Variants in PCDHGB1 observed in about 807,000 individuals in gnomAD.
PCDHGB1 encodes the protein protocadherin gamma subfamily B, 1, also known as protocadherin gamma-B1.
In PCDHGB1, 34 loss-of-function variants were observed where a neutral mutation model predicts 56.6. The observed-to-expected ratio is 0.60, with a 90% confidence interval of 0.46 to 0.80. PCDHGB1 has a LOEUF of 0.80. Ranked by LOEUF, PCDHGB1 falls within the 30% of genes least tolerant of loss-of-function variation. The pLI is 0.00. For synonymous variants in PCDHGB1, 561 were observed against 505.9 expected, an observed-to-expected ratio of 1.11 and a Z score of -1.46; for missense variants, 1,278 against 1,204.6, an observed-to-expected ratio of 1.06 and a Z score of -0.90.
At chr5:141,415,314 C>A (rs375384840) in intron 1 of PCDHGB1, 1 of 1,614,238 alleles carries the variant, frequency 6.2e-7, no homozygotes, top group Non-Finnish European at 8.5e-7. Context: ...CCTTCGTCAT[C>A]GTGCTGCTGG....
intron 3 of PCDHGB1, among the ~76,000 whole-genome samples, chr5:141,508,975 G>T (rs1360718244): frequency 2.6e-5 from 4 of 152,148 alleles, no homozygotes; most frequent in African/African-American, 7.2e-5. Context: ...AAGGGCTGGG[G>T]GTGGGGGCCA....
At chr5:141,415,293 C>T in intron 1 of PCDHGB1, 1 of 1,614,192 alleles carries the variant, frequency 6.2e-7, no homozygotes, top group Non-Finnish European at 8.5e-7. Flanking sequence ...CGGTCTCCTG[C>T]GTCTTCCTGG....
chr5:141,481,934 AAT>A (rs1245984926), intron 1 of PCDHGB1, among the ~76,000 whole-genome samples: 5 of 147,494 alleles, frequency 3.4e-5, no homozygotes, highest in Admixed American at 3.4e-4. Flanking sequence ...AAAAAAAAAA[AAT>A]CAGCCAGATG....
chr5:141,380,299 C>G (rs1776363020), intron 1 of PCDHGB1, among the ~76,000 whole-genome samples: 2 of 152,210 alleles, frequency 1.3e-5, no homozygotes, highest in Middle Eastern at 3.4e-3. Flanking sequence ...ATACCTATAT[C>G]TTTGCTTGAG....
chr5:141,493,784 T>A lies in PCDHGB1; in HGVS notation c.2410-1023T>A, dbSNP rs1368708028. ...AGCCACTGGCAGTTCCGGAGCTTCC[T>A]TCTCCCTGGAGTAATCTGAGATACT... On this transcript the variant is annotated intron_variant, in intron 1 of 3. Coordinates refer to ENST00000523390, the MANE Select transcript of PCDHGB1 (RefSeq NM_018922.3). This position sits in a 1 kb window ranked among gnomAD's most constrained non-coding sequence, Gnocchi z 4.3. 1.3e-5 allele frequency among the ~76,000 whole-genome samples: 2 copies of A among 152,194 alleles called. No individual in the cohort carries two copies. Among genetic ancestry groups the A allele is most frequent in the Non-Finnish European group, 2.9e-5 (2 of 68,032 alleles).
chr5:141,350,513 G>C lies in PCDHGB1; in HGVS notation c.253G>C (p.Gly85Arg), dbSNP rs750772635. The C allele has an allele frequency of 1.9e-6, 3 of 1,613,874 alleles. No individual in the cohort carries two copies. Among genetic ancestry groups the C allele is most frequent in the South Asian group, 2.2e-5 (2 of 91,086 alleles). ...SLESGDLLVN[G>R]RIDREKICGR... ...GGAGAGCGGGGATTTGTTAGTGAAC[G>C]GTAGGATAGATCGAGAGAAGATTTG... is the stretch of plus-strand genomic sequence containing the variant. The change falls in exon 1 of 4, where the codon GGT (glycine) becomes CGT (arginine). Residue 85 changes from glycine to arginine, a missense_variant. By Grantham distance (125) the Gly-to-Arg change is moderately radical. Coordinates refer to ENST00000523390, the MANE Select transcript of PCDHGB1 (RefSeq NM_018922.3).
At chr5:141,412,936 A>T in intron 1 of PCDHGB1, 1 of 459,508 alleles carries the variant, frequency 2.2e-6, no homozygotes, top group African/African-American at 2.0e-5. Flanking sequence ...ACTTCTTAGG[A>T]CTCTGAGCGC....
Position 141,490,157 on chromosome 5 carries a change from G to T in PCDHGB1, c.2410-4650G>T. 1 of 1,614,210 alleles carries T rather than the reference G, an allele frequency of 6.2e-7. No homozygotes were observed. The highest frequency in any genetic ancestry group is 8.5e-7 in the Non-Finnish European group (1 of 1,180,038). On this transcript the variant is annotated intron_variant, in intron 1 of 3. Transcript: ENST00000523390. This position sits in a 1 kb window ranked among gnomAD's most constrained non-coding sequence, Gnocchi z 5.4. ...AGCAGTGGGGCAATCCATGTGTTGGGTCCCATAGACTTTGAGGAGTCACGT... is the reference window on the plus strand; with the variant it reads ...AGCAGTGGGGCAATCCATGTGTTGGTTCCCATAGACTTTGAGGAGTCACGT...
intron 1 of PCDHGB1, among the ~76,000 whole-genome samples, chr5:141,465,905 G>A (rs938438286): frequency 6.6e-6 from 1 of 151,958 alleles, no homozygotes; most frequent in Admixed American, 6.6e-5. Flanking sequence ...GGCAAATCAC[G>A]AGGTCAGGAT....
chr5:141,352,326 T>A lies in PCDHGB1; in HGVS notation c.2066T>A (p.Val689Asp). 1 of 1,614,058 alleles carries A rather than the reference T, an allele frequency of 6.2e-7. No individual in the cohort carries two copies. Among genetic ancestry groups the A allele is most frequent in the Non-Finnish European group, 8.5e-7 (1 of 1,179,900 alleles). ...DPQTELQFYL[V>D]VALALISVLF... ...CAGACGGAACTGCAGTTTTACCTGGTTGTGGCCTTGGCCTTGATCTCAGTG... is the reference window on the plus strand; with the variant it reads ...CAGACGGAACTGCAGTTTTACCTGGATGTGGCCTTGGCCTTGATCTCAGTG... Residue 689 changes from valine to aspartate, a missense_variant, in exon 1 of 4, where the codon GTT becomes GAT. Physicochemically the swap from Val to Asp is radical, Grantham distance 152. Coordinates refer to ENST00000523390, the MANE Select transcript of PCDHGB1 (RefSeq NM_018922.3).
intron 1 of PCDHGB1, chr5:141,416,921 G>C (rs985660835): frequency 6.6e-6 from 1 of 151,994 alleles, no homozygotes; most frequent in Non-Finnish European, 1.5e-5. Flanking sequence ...TAGGGTCATA[G>C]TTATTAACTA....
rs1485764871 is a variant in PCDHGB1, at chr5:141,486,709, C to A, written c.2410-8098C>A. On this transcript the variant is annotated intron_variant, in intron 1 of 3. Coordinates refer to ENST00000523390, the MANE Select transcript of PCDHGB1 (RefSeq NM_018922.3). The surrounding 1 kb of genome is among the most constrained non-coding windows in gnomAD (Gnocchi z 5.0). ...CTTCCTCTTTCATCTCTCTGAACCC[C>A]CAGACAGGAGCTGTTCATGCTACTC... 6.2e-7 allele frequency: 1 copy of A among 1,614,182 alleles called. No homozygotes were observed. Among genetic ancestry groups the A allele is most frequent in the Admixed American group, 1.7e-5 (1 of 60,022 alleles).
chr5:141,431,767 T>C lies in PCDHGB1; in HGVS notation c.2410-63040T>C. The C allele has an allele frequency of 1.2e-6, 2 of 1,614,224 alleles. No homozygotes were observed. Among genetic ancestry groups the C allele is most frequent in the Non-Finnish European group, 1.7e-6 (2 of 1,180,034 alleles). ...CTGCGCGAGCCAAAGTCCTGATCAC[T>C]GTTCTGGACGTGAACGACAATGCCC... On this transcript the variant is annotated intron_variant, in intron 1 of 3. Coordinates refer to ENST00000523390, the MANE Select transcript of PCDHGB1 (RefSeq NM_018922.3). This position sits in a 1 kb window ranked among gnomAD's most constrained non-coding sequence, Gnocchi z 4.8.
At chr5:141,394,434 C>T in intron 1 of PCDHGB1, 1 of 1,614,248 alleles carries the variant, frequency 6.2e-7, no homozygotes, top group South Asian at 1.1e-5. Context: ...CGGGGACCCG[C>T]CCCTCAGCAG....
chr5:141,375,199 C>G lies in PCDHGB1; in HGVS notation c.2409+22530C>G, dbSNP rs188091361. ...CAGTAATCGCCCTTTTTCAAGTGTT[C>G]GATCGAGACTCTGGCCTGAATGGCC... On this transcript the variant is annotated intron_variant, in intron 1 of 3. Coordinates refer to ENST00000523390, the MANE Select transcript of PCDHGB1 (RefSeq NM_018922.3). The G allele has an allele frequency of 5.2e-5, 84 of 1,613,924 alleles. No individual in the cohort carries two copies. In the East Asian group the frequency reaches 1.8e-3, roughly 35 times the overall value.
chr5:141,424,692 T>C (rs910540428), intron 1 of PCDHGB1: 2 of 152,004 alleles, frequency 1.3e-5, no homozygotes, highest in African/African-American at 4.8e-5. Context: ...CTTCTGGCTA[T>C]TTTTTTGTTC....
intron 1 of PCDHGB1, chr5:141,365,579 G>T (rs1300437364): frequency 4.3e-6 from 7 of 1,613,564 alleles, no homozygotes; most frequent in African/African-American, 1.3e-5. Flanking sequence ...AGAGACTTCA[G>T]ATTATAATAT....
chr5:141,404,185 C>T, intron 1 of PCDHGB1: 1 of 1,613,214 alleles, frequency 6.2e-7, no homozygotes, highest in Non-Finnish European at 8.5e-7. Context: ...AAATTCTTGA[C>T]CGAGAAAAAG....
chr5:141,406,344 A>G (rs1227863234), intron 1 of PCDHGB1, among the ~76,000 whole-genome samples: 1 of 152,148 alleles, frequency 6.6e-6, no homozygotes, highest in Non-Finnish European at 1.5e-5. Flanking sequence ...TCATTTATTC[A>G]GGTCATACTA....
Sources: allele counts gnomAD v4.1 joint callset (sites outside exome capture counted in the v4.1 genomes callset), GRCh38; gene constraint gnomAD v4.1.1; non-coding constraint Gnocchi (gnomAD v3.1); transcripts MANE v1.5; gene names NCBI Gene and HGNC (gene_info 2026-07-23, HGNC 2026-07-21).